Variants in SOX5 observed in about 807,000 individuals in gnomAD.
The protein encoded by SOX5 is SRY-box transcription factor 5.
Under a neutral mutation model 92.0 loss-of-function variants are expected in SOX5, and 9 were observed. The observed-to-expected ratio is 0.10, with a 90% CI of 0.06 to 0.17. SOX5 has a LOEUF of 0.17. Among genes scored for constraint, SOX5 ranks in the 10% least tolerant of loss-of-function variants. SOX5 has a pLI of 1.00. For synonymous variants in SOX5, 344 were observed against 336.3 expected (o/e 1.02, Z -0.25); for missense variants, 642 against 944.5 (o/e 0.68, Z 4.20).
intron 2 of SOX5, among the ~76,000 whole-genome samples, chr12:23,890,623 A>C (rs2097121297): frequency 6.6e-6 from 1 of 152,134 alleles, no homozygotes; most frequent in African/African-American, 2.4e-5. Context: ...ATTTCTCCTC[A>C]GAGTACTCTA....
chr12:23,898,961 A>T (rs575180982), intron 1 of SOX5, among the ~76,000 whole-genome samples: 1 of 152,364 alleles, frequency 6.6e-6, no homozygotes, highest in South Asian at 2.1e-4. Flanking sequence ...TTACATATAG[A>T]TATATCAATC....
intron 1 of SOX5, among the ~76,000 whole-genome samples, chr12:24,423,451 T>C (rs1966237690): frequency 6.6e-6 from 1 of 152,232 alleles, no homozygotes. Flanking sequence ...ACGTCCATTG[T>C]GAGATTTCAA....
At chr12:23,896,714 TAA>T (rs11306331) in intron 1 of SOX5, among the ~76,000 whole-genome samples, 1,837 of 123,762 alleles carry the variant, frequency 0.015, 33 homozygotes, top group African/African-American at 0.047. Context: ...TGCAAGGTAG[TAA>T]AAAAAAAAAA....
chr12:23,970,640 G>A lies in SOX5; in HGVS notation c.-1-74616C>T, dbSNP rs2140128963. Among the ~76,000 whole-genome samples, 2 of 150,394 alleles carry A rather than the reference G, an allele frequency of 1.3e-5. 1 individual carries two copies. The highest frequency in any genetic ancestry group is 3.9e-4 in the East Asian group (2 of 5,122). ...GTATAATTGTTTTTTATGGCTGAAT[G>A]ATATTCTGTTTTATGAATATACCAC... On this transcript the variant is annotated intron_variant, in intron 4 of 4. Coordinates refer to the SOX5 transcript ENST00000446891.
chr12:24,057,251 A>T (rs539024739), intron 4 of SOX5, among the ~76,000 whole-genome samples: 27 of 152,214 alleles, frequency 1.8e-4, no homozygotes, highest in Non-Finnish European at 3.4e-4. Flanking sequence ...ATTGATAAAA[A>T]ACCTATACTC....
chr12:23,584,916 C>T (rs1950515265), intron 9 of SOX5, among the ~76,000 whole-genome samples: 1 of 151,936 alleles, frequency 6.6e-6, no homozygotes. Context: ...AATCAAATTT[C>T]AAACAGTTTA....
chr12:23,649,948 C>T (rs1374974037), intron 7 of SOX5, among the ~76,000 whole-genome samples: 1 of 152,106 alleles, frequency 6.6e-6, no homozygotes, highest in South Asian at 2.1e-4. Flanking sequence ...AAGTTTTGGA[C>T]AGTTTTATGG....
chr12:23,757,859 C>T lies in SOX5; in HGVS notation c.482-2135G>A, dbSNP rs184688609. Among the ~76,000 whole-genome samples, 24 of 151,890 alleles carry T rather than the reference C, an allele frequency of 1.6e-4. No individual in the cohort carries two copies. The East Asian group carries it at 4.5e-3, about 28-fold the overall frequency. ...AGTGTGCTCATAAAGAAACAGAAGT[C>T]TTCTGTCTAAGTTGCAGAGTTAAAG... is the stretch of plus-strand genomic sequence containing the variant. On this transcript the variant is annotated intron_variant, in intron 3 of 14. Coordinates refer to ENST00000451604, the MANE Select transcript of SOX5 (RefSeq NM_006940.6).
chr12:23,803,232 G>GTAGTTAAT (rs2095696621), intron 3 of SOX5, among the ~76,000 whole-genome samples: 1 of 151,974 alleles, frequency 6.6e-6, no homozygotes, highest in Admixed American at 6.6e-5. Context: ...ACTTATTTAA[G>GTAGTTAAT]CATCTCAGTA....
At chr12:23,907,057 C>G (rs1313314009) in intron 1 of SOX5, among the ~76,000 whole-genome samples, 2 of 152,068 alleles carry the variant, frequency 1.3e-5, no homozygotes, top group Non-Finnish European at 2.9e-5. Flanking sequence ...TGCTTTCTAT[C>G]AGAACAATTG....
At chr12:23,993,900 T>C (rs555142734) in intron 4 of SOX5, among the ~76,000 whole-genome samples, 20 of 146,694 alleles carry the variant, frequency 1.4e-4, no homozygotes, top group South Asian at 1.3e-3. Context: ...TGTATGTATG[T>C]ATGTATGTAT....
intron 9 of SOX5, among the ~76,000 whole-genome samples, chr12:23,590,601 C>T (rs150743959): frequency 1.3e-5 from 2 of 152,128 alleles, no homozygotes; most frequent in East Asian, 3.9e-4. Flanking sequence ...TAGCACTTAG[C>T]CTACAGTATT....
At chr12:23,645,321 A>C (rs749116395) in intron 7 of SOX5, among the ~76,000 whole-genome samples, 2 of 152,216 alleles carry the variant, frequency 1.3e-5, no homozygotes, top group Non-Finnish European at 2.9e-5. Flanking sequence ...AAAGGAATGT[A>C]GAGAAGAAAC....
intron 3 of SOX5, among the ~76,000 whole-genome samples, chr12:23,794,990 A>G (rs1473560207): frequency 2.0e-5 from 3 of 152,160 alleles, no homozygotes; most frequent in African/African-American, 4.8e-5. Context: ...ACAAAAACAC[A>G]ATAAGAAATT....
intron 4 of SOX5, among the ~76,000 whole-genome samples, chr12:24,176,226 G>C (rs1422693000): frequency 2.0e-5 from 3 of 152,066 alleles, no homozygotes; most frequent in African/African-American, 7.2e-5. Flanking sequence ...ATACTTGGGA[G>C]GCTGAGGTGG....
chr12:24,493,854 A>G (rs771065119), intron 1 of SOX5, among the ~76,000 whole-genome samples: 1 of 138,766 alleles, frequency 7.2e-6, no homozygotes, highest in Non-Finnish European at 1.5e-5. Context: ...ACAGAGCAAG[A>G]CTCCATCTCA....
intron 4 of SOX5, among the ~76,000 whole-genome samples, chr12:24,054,615 C>G (rs1400347870): frequency 6.6e-6 from 1 of 152,226 alleles, no homozygotes; most frequent in Non-Finnish European, 1.5e-5. Flanking sequence ...TCTGTGCCAA[C>G]TCTAACACAC....
chr12:23,925,017 T>TAA (rs149545974), intron 1 of SOX5, among the ~76,000 whole-genome samples: 4 of 145,276 alleles, frequency 2.8e-5, no homozygotes, highest in African/African-American at 1.0e-4. Flanking sequence ...GAATGATCAA[T>TAA]AAAAAAAAAA....
Position 24,210,017 on chromosome 12 carries a change from CAAAAAAAAAA to C in SOX5, c.-2+3316_-2+3325del, listed in dbSNP as rs1173723179. On this transcript the variant is annotated intron_variant, in intron 4 of 4. Transcript: ENST00000446891. Reference sequence around the variant, plus strand: ...TGGGCGACAGAGCGAGACTCCGTCTCAAAAAAAAAAAAAAAAAAAAAAAAAAAAAGAAATA... The same window carrying C: ...TGGGCGACAGAGCGAGACTCCGTCTCAAAAAAAAAAAAAAAAAAAGAAATA... 2.6e-4 allele frequency among the ~76,000 whole-genome samples: 16 copies of C among 62,704 alleles called. No individual in the cohort carries two copies. The Admixed American group carries it at 3.8e-3, about 15-fold the overall frequency. The allele number at this position is 62,704 out of a possible 152,430, so 41.1% of individuals were successfully genotyped here.
Sources: allele counts gnomAD v4.1 joint callset (sites outside exome capture counted in the v4.1 genomes callset), GRCh38; gene constraint gnomAD v4.1.1; transcripts MANE v1.5; gene names NCBI Gene and HGNC (gene_info 2026-07-23, HGNC 2026-07-21).